Variants in MCF2L2 observed in about 807,000 individuals in gnomAD.
MCF2L2 encodes the protein probable guanine nucleotide exchange factor MCF2L2.
MCF2L2 carries 102 observed loss-of-function variants against 150.2 expected under a neutral mutation model. The ratio of observed to expected loss-of-function variants is 0.68; its 90% CI spans 0.58 to 0.80. MCF2L2 has a LOEUF of 0.80. Among genes scored for constraint, MCF2L2 ranks in the 30% least tolerant of loss-of-function variants. The pLI is 0.00. For missense variants in MCF2L2, 1,256 were observed against 1,372.8 expected, an observed-to-expected ratio of 0.91 and a Z score of 1.34; for synonymous variants, 465 against 491.3, an observed-to-expected ratio of 0.95 and a Z score of 0.71.
intron 1 of MCF2L2, among the ~76,000 whole-genome samples, chr3:183,391,335 T>C (rs1714135641): frequency 6.6e-6 from 1 of 151,600 alleles, no homozygotes; most frequent in South Asian, 2.1e-4. Context: ...TCCCCTTCAA[T>C]GAATTCCCCC....
chr3:183,370,564 C>A (rs1242850266), intron 3 of MCF2L2, among the ~76,000 whole-genome samples: 2 of 152,146 alleles, frequency 1.3e-5, no homozygotes, highest in African/African-American at 2.4e-5. Flanking sequence ...TCTATCTGAA[C>A]AAAACAGAAT....
At chr3:183,282,763 G>C (rs1727574718) in intron 14 of MCF2L2, among the ~76,000 whole-genome samples, 1 of 152,130 alleles carries the variant, frequency 6.6e-6, no homozygotes, top group Non-Finnish European at 1.5e-5. Context: ...AATCAGAAAA[G>C]TACTTTATTA....
At position 183,219,862 on chromosome 3, in the gene MCF2L2, C is replaced by A. The variant is rs777445125; in HGVS notation, c.2364G>T (p.Ser788=). 3 of 1,610,392 alleles carry A rather than the reference C, an allele frequency of 1.9e-6. No homozygotes were observed. The highest frequency in any genetic ancestry group is 2.7e-5 in the African/African-American group (2 of 74,774). Residue 788 remains serine, a synonymous_variant, in exon 21 of 30, where the codon TCG becomes TCT. Transcript: ENST00000328913. The stretch of plus-strand genomic sequence containing the variant: ...AATATTTAATATTGAGTACCTTAGC[C>A]GAGCCTCCTAGTTCACCTGGGTCTA... ...MEIDPGELGG[S]AKDGPKRTKD... is the part of the protein sequence containing the mutation.
chr3:183,223,181 T>C (rs1723206163), intron 20 of MCF2L2, among the ~76,000 whole-genome samples, 165 bp downstream of exon 20: 1 of 152,170 alleles, frequency 6.6e-6, no homozygotes, highest in South Asian at 2.1e-4. Context: ...TTACTCCACA[T>C]TGAAGAGGGC....
In MCF2L2 at chr3:183,408,383, G is replaced by A. The variant is rs574293308; in HGVS notation, c.77-18604C>T. Among the ~76,000 whole-genome samples, 4 of 152,310 alleles carry A rather than the reference G, an allele frequency of 2.6e-5. No individual in the cohort carries two copies. In the East Asian group the frequency reaches 7.7e-4, roughly 29 times the overall value. On this transcript the variant is annotated intron_variant, in intron 1 of 29. Coordinates refer to ENST00000328913, the MANE Select transcript of MCF2L2 (RefSeq NM_015078.4). ...CCTCCCCATTAGACCGCAGGCTCCA[G>A]AAGGACATTCCTTCATTCCTCCTGG...
chr3:183,268,338 C>T lies in MCF2L2; in HGVS notation c.1862+8534G>A, dbSNP rs114490306. On this transcript the variant is annotated intron_variant, in intron 15 of 29. Transcript: ENST00000328913. ...GGAGTTAAAAGAGCTCAGTTTGTCT[C>T]GTGGTTAAATCCAAGTTTTACAAAG... is the stretch of plus-strand genomic sequence containing the variant. 6.6e-3 allele frequency among the ~76,000 whole-genome samples: 998 copies of T among 152,216 alleles called. 14 individuals carry two copies. The highest frequency in any genetic ancestry group is 0.022 in the African/African-American group (934 of 41,528).
At chr3:183,235,483 G>A (rs1723783547) in intron 15 of MCF2L2, among the ~76,000 whole-genome samples, 3 of 60,652 alleles carry the variant, frequency 4.9e-5, no homozygotes, top group South Asian at 1.5e-3. Flanking sequence ...TTTTTTGGCT[G>A]CATAAATGTC....
At chr3:183,387,338 T>A (rs994208927) in intron 2 of MCF2L2, among the ~76,000 whole-genome samples, 30 of 151,862 alleles carry the variant, frequency 2.0e-4, no homozygotes, top group Non-Finnish European at 2.2e-4. Context: ...TGAAGGGTTA[T>A]CTTTATTATG....
intron 1 of MCF2L2, among the ~76,000 whole-genome samples, chr3:183,413,200 G>A (rs926327499): frequency 6.6e-6 from 1 of 152,068 alleles, no homozygotes; most frequent in African/African-American, 2.4e-5. Flanking sequence ...ACTCCCTCAT[G>A]GTTGAAAATA....
intron 15 of MCF2L2, among the ~76,000 whole-genome samples, chr3:183,255,825 AAAAG>A (rs769109572): frequency 3.9e-5 from 6 of 152,146 alleles, no homozygotes; most frequent in Non-Finnish European, 7.4e-5. Flanking sequence ...AAAAAAAAGA[AAAAG>A]AAAACTTTCT....
chr3:183,330,044 G>T (rs1032522007), intron 5 of MCF2L2, among the ~76,000 whole-genome samples: 23 of 151,666 alleles, frequency 1.5e-4, no homozygotes, highest in African/African-American at 5.1e-4. Context: ...AGGCCAGCAT[G>T]GGCAATACAA....
intron 1 of MCF2L2, among the ~76,000 whole-genome samples, chr3:183,403,149 G>A (rs1714860407): frequency 1.3e-5 from 2 of 152,018 alleles, no homozygotes; most frequent in African/African-American, 4.8e-5. Flanking sequence ...GCAGGTGCTG[G>A]TAATCCCAGA....
chr3:183,318,354 T>C (rs1729682804), intron 6 of MCF2L2, 137 bp from the exon 7 acceptor site: 3 of 957,376 alleles, frequency 3.1e-6, no homozygotes, highest in South Asian at 1.5e-5. Context: ...GAGGACCTGA[T>C]TCTGATAGGG....
At chr3:183,354,471 A>G (rs1711641692) in intron 3 of MCF2L2, among the ~76,000 whole-genome samples, 1 of 151,948 alleles carries the variant, frequency 6.6e-6, no homozygotes, top group South Asian at 2.1e-4. Context: ...GGCTTCCACA[A>G]CCTGCACCCT....
At chr3:183,312,369 T>C (rs1252796053) in intron 7 of MCF2L2, among the ~76,000 whole-genome samples, 3 of 152,318 alleles carry the variant, frequency 2.0e-5, no homozygotes, top group Non-Finnish European at 4.4e-5. Flanking sequence ...CTTAGTACTA[T>C]GCAGCTGTGG....
chr3:183,393,087 G>C (rs932439070), intron 1 of MCF2L2, among the ~76,000 whole-genome samples: 3 of 152,166 alleles, frequency 2.0e-5, no homozygotes, highest in Non-Finnish European at 2.9e-5. Flanking sequence ...GACCCACCAA[G>C]GCGCTGGTGC....
Position 183,205,902 on chromosome 3 carries a change from A to G in MCF2L2, c.2858T>C (p.Leu953Ser), listed in dbSNP as rs747349199. The change falls in exon 25 of 30, where the codon TTG becomes TCG. Residue 953 changes from leucine to serine, a missense_variant. Coordinates refer to ENST00000328913, the MANE Select transcript of MCF2L2 (RefSeq NM_015078.4). ...DCWFSEISKL[L>S]MEQQNNIKDQ... ...TTTGATATTATTTTGTTGTTCCATC[A>G]ATAATTTACTTATTTCTGAAAACCA... is the stretch of plus-strand genomic sequence containing the variant. 1 of 1,613,998 alleles carries G rather than the reference A, an allele frequency of 6.2e-7. No individual in the cohort carries two copies.
At chr3:183,328,219 T>C (rs1730128651) in intron 5 of MCF2L2, among the ~76,000 whole-genome samples, 1 of 152,240 alleles carries the variant, frequency 6.6e-6, no homozygotes, top group African/African-American at 2.4e-5. Flanking sequence ...CTCATTCATC[T>C]GGCTGTTCCT....
At chr3:183,361,123 G>GAA (rs1560040395) in intron 3 of MCF2L2, among the ~76,000 whole-genome samples, 1 of 86,804 alleles carries the variant, frequency 1.2e-5, no homozygotes, top group Non-Finnish European at 2.0e-5. Flanking sequence ...AAAAGAAAAA[G>GAA]AAAAGAAAAA....
Sources: gnomAD v4.1 joint callset for allele counts (sites outside exome capture counted in the v4.1 genomes callset) on GRCh38, gnomAD v4.1.1 for gene constraint, MANE v1.5 for transcripts, NCBI Gene and HGNC (gene_info 2026-07-23, HGNC 2026-07-21) for gene names.